GID4: variants seen among roughly 807,000 people sequenced by gnomAD.
The protein encoded by GID4 is GID complex subunit 4 homolog.
Under a neutral mutation model 32.4 loss-of-function variants are expected in GID4, and 7 were observed. The observed-to-expected ratio is 0.22, with a 90% CI of 0.12 to 0.41. GID4 has a LOEUF of 0.41. Among genes scored for constraint, GID4 ranks in the 10% least tolerant of loss-of-function variants. GID4 has a pLI of 1.00. For missense variants in GID4, 309 were observed against 400.0 expected, an observed-to-expected ratio of 0.77 and a Z score of 1.94; for synonymous variants, 166 against 170.0, an observed-to-expected ratio of 0.98 and a Z score of 0.18.
chr17:18,050,818 G>C (rs369702790), intron 2 of GID4, among the ~76,000 whole-genome samples: 17 of 152,322 alleles, frequency 1.1e-4, no homozygotes, highest in Admixed American at 9.2e-4. Flanking sequence ...GACCCACCAA[G>C]GGATGCCCAC....
intron 5 of GID4, among the ~76,000 whole-genome samples, chr17:18,064,530 T>C (rs1293690438): frequency 1.3e-5 from 2 of 152,150 alleles, no homozygotes; most frequent in Non-Finnish European, 2.9e-5. Flanking sequence ...AGACATTGAC[T>C]CTAAATGTGC....
chr17:18,045,894 A>C (rs1413416934), intron 2 of GID4, among the ~76,000 whole-genome samples: 3 of 149,906 alleles, frequency 2.0e-5, no homozygotes, highest in Non-Finnish European at 4.4e-5. Context: ...CCTGTCTCAA[A>C]AAAAAAAAAA....
intron 2 of GID4, among the ~76,000 whole-genome samples, chr17:18,052,698 A>G (rs2044924081): frequency 6.6e-6 from 1 of 152,164 alleles, no homozygotes; most frequent in South Asian, 2.1e-4. Flanking sequence ...TCTTTTTTAA[A>G]ATCATTGGTG....
At chr17:18,045,636 T>G (rs983716562) in intron 2 of GID4, among the ~76,000 whole-genome samples, 17 of 152,082 alleles carry the variant, frequency 1.1e-4, no homozygotes, top group African/African-American at 4.1e-4. Context: ...GGCTCATGCC[T>G]GTAATCGCAA....
chr17:18,061,337 G>A lies in GID4; in HGVS notation c.709-508G>A, dbSNP rs568371021. On this transcript the variant is annotated intron_variant, in intron 4 of 5. Coordinates refer to ENST00000268719, the MANE Select transcript of GID4 (RefSeq NM_024052.5). The surrounding 1 kb of genome is among the most constrained non-coding windows in gnomAD (Gnocchi z 4.4). ...CCGTTCTGACTGCTTTTGACAAGGC[G>A]TCAAGCTCTTGGAGGGGGTGTCACA... is the stretch of plus-strand genomic sequence containing the variant. Among the ~76,000 whole-genome samples, 4 of 152,284 alleles carry A rather than the reference G, an allele frequency of 2.6e-5. No individual in the cohort carries two copies. The highest frequency in any genetic ancestry group is 2.1e-4 in the South Asian group (1 of 4,830).
At chr17:18,048,001 C>T (rs1055111928) in intron 2 of GID4, among the ~76,000 whole-genome samples, 3 of 149,060 alleles carry the variant, frequency 2.0e-5, no homozygotes, top group East Asian at 2.0e-4. Flanking sequence ...CCTGGGTTCA[C>T]GCCATTCTCC....
chr17:18,042,964 TAA>T lies in GID4; in HGVS notation c.439-2181_439-2180del, dbSNP rs2044816915. On this transcript the variant is annotated intron_variant, in intron 1 of 5. Transcript: ENST00000268719. Reference sequence around the variant, plus strand: ...TACTTTCTTTTCTGTGATTCTAGTGTAAAGAGTTCCTCAAACCTTTGTGAGTT... The same window carrying T: ...TACTTTCTTTTCTGTGATTCTAGTGTAGAGTTCCTCAAACCTTTGTGAGTT... 4.6e-5 allele frequency among the ~76,000 whole-genome samples: 7 copies of T among 152,348 alleles called. No homozygotes were observed. The South Asian group carries it at 1.5e-3, about 32-fold the overall frequency.
chr17:18,041,521 A>G (rs1252263060), intron 1 of GID4, among the ~76,000 whole-genome samples: 1 of 152,134 alleles, frequency 6.6e-6, no homozygotes, highest in Non-Finnish European at 1.5e-5. Context: ...TGGCTGAAAT[A>G]TTTTTGTCTT....
intron 5 of GID4, among the ~76,000 whole-genome samples, chr17:18,062,437 A>G (rs570750617): frequency 7.9e-5 from 12 of 152,294 alleles, no homozygotes; most frequent in African/African-American, 2.9e-4. Flanking sequence ...GTGAGTGGAC[A>G]GTCCTGTCCA....
chr17:18,063,207 C>T (rs916588287), intron 5 of GID4, among the ~76,000 whole-genome samples: 14 of 100,100 alleles, frequency 1.4e-4, no homozygotes, highest in Non-Finnish European at 2.7e-4. Flanking sequence ...GTCAGGAGTT[C>T]GACACCAGCC....
rs1597686190 is a variant in GID4 at position 18,039,979 on chromosome 17, C to G, written c.438+77C>G. 3 of 1,270,470 alleles carry G rather than the reference C, an allele frequency of 2.4e-6. No homozygotes were observed. Among genetic ancestry groups the G allele is most frequent in the South Asian group, 6.1e-5 (2 of 32,630 alleles). 78.7% of individuals were successfully genotyped at this position (1,270,470 alleles called of 1,614,324 possible). A position where few individuals can be genotyped will look rare whatever the true frequency, so the allele number is the denominator to read the frequency against. On this transcript the variant is annotated intron_variant, in intron 1 of 5. Coordinates refer to ENST00000268719, the MANE Select transcript of GID4 (RefSeq NM_024052.5). The surrounding 1 kb of genome is among the most constrained non-coding windows in gnomAD (Gnocchi z 5.3). ...GCCGTGCCCGCTTCGGCTCCTCGAC[C>G]CCGCAGCCGCGGAACAGGCCCTCGC...
At chr17:18,054,422 G>C (rs2044944756) in intron 3 of GID4, among the ~76,000 whole-genome samples, 188 bp downstream of exon 3, 1 of 152,218 alleles carries the variant, frequency 6.6e-6, no homozygotes, top group Non-Finnish European at 1.5e-5. Flanking sequence ...GATCTGACCT[G>C]CTGCTTAAAT....
At chr17:18,040,477 GATTGGTCAGGCCCTGGCCTCACCTCA>G (rs1162381638) in intron 1 of GID4, among the ~76,000 whole-genome samples, 2 of 152,204 alleles carry the variant, frequency 1.3e-5, no homozygotes, top group African/African-American at 4.8e-5. Context: ...ACCCGCAACT[GATTGGTCAGGCCCTGGCCTCACCTCA>G]AGACCAGGCA....
At chr17:18,047,390 G>A (rs750505856) in intron 2 of GID4, among the ~76,000 whole-genome samples, 4 of 152,214 alleles carry the variant, frequency 2.6e-5, no homozygotes, top group Non-Finnish European at 4.4e-5. Flanking sequence ...GAATGTTAAC[G>A]CTGACTCCAA....
intron 2 of GID4, 24 bp downstream of exon 2, chr17:18,045,230 A>G: frequency 1.3e-6 from 2 of 1,596,112 alleles, no homozygotes; most frequent in Non-Finnish European, 8.6e-7. Context: ...CACACAAACC[A>G]GCACTAGAAA....
Position 18,065,990 on chromosome 17 carries a change from C to G in GID4, c.*747C>G, listed in dbSNP as rs2045058576. ...CTCAGTACATTTGCTCCAAACTTTT[C>G]AACTTGAGGGCAATACTAAACTTAA... is the stretch of plus-strand genomic sequence containing the variant. On this transcript the variant is annotated 3_prime_UTR_variant, in exon 6 of 6. Coordinates refer to ENST00000268719, the MANE Select transcript of GID4 (RefSeq NM_024052.5). 1 of 152,216 alleles carries G rather than the reference C, an allele frequency of 6.6e-6. No individual in the cohort carries two copies. Among genetic ancestry groups the G allele is most frequent in the Non-Finnish European group, 1.5e-5 (1 of 68,032 alleles). The allele number at this position is 152,216 out of a possible 1,614,324, so 9.4% of individuals were successfully genotyped here.
At chr17:18,064,524 A>G (rs1243660684) in intron 5 of GID4, among the ~76,000 whole-genome samples, 1 of 152,152 alleles carries the variant, frequency 6.6e-6, no homozygotes, top group Non-Finnish European at 1.5e-5. Context: ...CTTGCTAGAC[A>G]TTGACTCTAA....
intron 1 of GID4, among the ~76,000 whole-genome samples, chr17:18,043,407 C>T (rs1311868264): frequency 2.0e-5 from 3 of 152,198 alleles, no homozygotes; most frequent in Non-Finnish European, 4.4e-5. Flanking sequence ...TTTTCAGCAG[C>T]TGTGAAACTC....
At chr17:18,052,644 G>A (rs1471872331) in intron 2 of GID4, among the ~76,000 whole-genome samples, 2 of 152,170 alleles carry the variant, frequency 1.3e-5, no homozygotes, top group Non-Finnish European at 2.9e-5. Flanking sequence ...TACAAATGCA[G>A]AGAAATGTAG....
Sources: allele counts gnomAD v4.1 joint callset (sites outside exome capture counted in the v4.1 genomes callset), GRCh38; gene constraint gnomAD v4.1.1; non-coding constraint Gnocchi (gnomAD v3.1); transcripts MANE v1.5; gene names NCBI Gene and HGNC (gene_info 2026-07-23, HGNC 2026-07-21).